The following MAN2B2 variants were observed in gnomAD, a reference collection of about 807,000 sequenced individuals.
MAN2B2 encodes mannosidase alpha class 2B member 2.
MAN2B2 carries 106 observed loss-of-function variants against 117.1 expected under a neutral mutation model. That is an observed-to-expected ratio of 0.90 (90% CI 0.77 to 1.06). The LOEUF (loss-of-function observed/expected upper bound fraction) is 1.06. Ranked by LOEUF, MAN2B2 falls within the 50% of genes least tolerant of loss-of-function variation. The pLI is 0.00. For synonymous variants in MAN2B2, 544 were observed against 595.1 expected, an observed-to-expected ratio of 0.91 and a Z score of 1.25; for missense variants, 1,326 against 1,381.4, an observed-to-expected ratio of 0.96 and a Z score of 0.64.
intron 13 of MAN2B2, 41 bp from the exon 14 acceptor site, chr4:6,610,839 C>G (rs570879683): frequency 6.3e-7 from 1 of 1,589,324 alleles, no homozygotes; most frequent in Non-Finnish European, 8.6e-7. Flanking sequence ...CTACCTTGCC[C>G]TTTGCCCCAA....
chr4:6,614,458 G>A, intron 16 of MAN2B2, 103 bp downstream of exon 16: 3 of 1,358,118 alleles, frequency 2.2e-6, no homozygotes, highest in Non-Finnish European at 3.0e-6. Flanking sequence ...AGCTATCATG[G>A]CTCTGCAAGG....
intron 7 of MAN2B2, among the ~76,000 whole-genome samples, chr4:6,596,146 T>G (rs1221717784): frequency 1.4e-5 from 2 of 147,836 alleles, no homozygotes; most frequent in African/African-American, 2.5e-5. Context: ...GGGCGTGGTA[T>G]CCAGGTGGGC....
At position 6,614,348 on chromosome 4, in the gene MAN2B2, C is replaced by G; in HGVS notation, c.2694C>G (p.Leu898=). ...ACCACACGGAGCACTCTCAGAATCTCCGGAAAGGTGAGGCAGGTGCCCTGG... is the reference window on the plus strand; with the variant it reads ...ACCACACGGAGCACTCTCAGAATCTGCGGAAAGGTGAGGCAGGTGCCCTGG... ...SSNHTEHSQN[L]RKGHRGEAQA... Residue 898 remains leucine (L), a synonymous_variant, in exon 16 of 19, where the codon CTC becomes CTG. Transcript: ENST00000285599. The G allele has an allele frequency of 6.2e-7, 1 of 1,613,708 alleles. No homozygotes were observed. The highest frequency in any genetic ancestry group is 1.3e-5 in the African/African-American group (1 of 75,030).
intron 3 of MAN2B2, among the ~76,000 whole-genome samples, chr4:6,578,964 TCACCAC>T (rs374472281): frequency 6.9e-6 from 1 of 144,486 alleles, no homozygotes; most frequent in Non-Finnish European, 1.5e-5. Flanking sequence ...ACTACTACCA[TCACCAC>T]CACCACCACG....
intron 12 of MAN2B2, 93 bp from the exon 13 acceptor site, chr4:6,609,701 GCCCT>G: frequency 1.9e-5 from 17 of 902,794 alleles, no homozygotes; most frequent in Non-Finnish European, 2.4e-5. Context: ...GGCGTACCCT[GCCCT>G]GCCCACCCTG....
At chr4:6,617,578 C>G (rs2108760589) in intron 17 of MAN2B2, 86 bp downstream of exon 17, 1 of 1,565,220 alleles carries the variant, frequency 6.4e-7, no homozygotes. Context: ...GCAAAGAGAT[C>G]CACGAGGGCT....
At chr4:6,598,094 C>T in intron 8 of MAN2B2, 104 bp from the exon 9 acceptor site, 2 of 1,330,068 alleles carry the variant, frequency 1.5e-6, no homozygotes, top group Non-Finnish European at 2.1e-6. Context: ...TCCACTGGCA[C>T]CTGGCAAGCC....
At position 6,619,905 on chromosome 4, in the gene MAN2B2, C is replaced by A. The variant is rs769339742; in HGVS notation, c.2815-22C>A. ...TCTGGAACTTGGTGCAGCTCACTCTCCCTCTGCTCCTCTCCCTGCAGGCTG... is the reference window on the plus strand; with the variant it reads ...TCTGGAACTTGGTGCAGCTCACTCTACCTCTGCTCCTCTCCCTGCAGGCTG... On this transcript the variant is annotated intron_variant, in intron 17 of 18. Coordinates refer to ENST00000285599, the MANE Select transcript of MAN2B2 (RefSeq NM_015274.3). 1.6e-5 allele frequency: 26 copies of A among 1,603,384 alleles called. No individual in the cohort carries two copies. The African/African-American group carries it at 3.3e-4, about 21-fold the overall frequency.
chr4:6,597,506 G>T (rs1426506481), intron 8 of MAN2B2, among the ~76,000 whole-genome samples: 1 of 152,354 alleles, frequency 6.6e-6, no homozygotes, highest in East Asian at 1.9e-4. Context: ...CCATCCAGCT[G>T]GTGGCCTCAT....
chr4:6,583,553 G>A (rs1304687470), intron 3 of MAN2B2, among the ~76,000 whole-genome samples: 1 of 152,210 alleles, frequency 6.6e-6, no homozygotes, highest in African/African-American at 2.4e-5. Flanking sequence ...GCTGTTAGTG[G>A]TGGAAGGTAT....
chr4:6,578,671 T>G (rs1157761063), intron 3 of MAN2B2, among the ~76,000 whole-genome samples, 173 bp downstream of exon 3: 2 of 152,038 alleles, frequency 1.3e-5, no homozygotes, highest in Non-Finnish European at 2.9e-5. Flanking sequence ...ACCAAGGAAG[T>G]TGAATGTAGG....
At chr4:6,594,426 C>A in intron 6 of MAN2B2, 108 bp from the exon 7 acceptor site, 1 of 1,149,690 alleles carries the variant, frequency 8.7e-7, no homozygotes, top group Non-Finnish European at 1.3e-6. Context: ...CCCTGTTGGC[C>A]GCCTTGGAGA....
Position 6,610,914 on chromosome 4 carries a change from AG to A in MAN2B2, c.2296del (p.Asp766MetfsTer46). The A allele has an allele frequency of 6.2e-7, 1 of 1,614,166 alleles. No homozygotes were observed. ...CCCATGGTTCAGTCGGCCTTCATGGAGGATGGCAAAAGCAGGCTTGTGTTGC... is the reference window on the plus strand; with the variant it reads ...CCCATGGTTCAGTCGGCCTTCATGGAGATGGCAAAAGCAGGCTTGTGTTGC... ...YYPMVQSAFM[E>X]DGKSRLVLLS... is the part of the protein sequence containing the mutation. On this transcript the variant is annotated frameshift_variant, in exon 14 of 19. Transcript: ENST00000285599. LOFTEE classifies it high-confidence loss of function.
At position 6,598,441 on chromosome 4, in the gene MAN2B2, T is replaced by G. The variant is rs1468170971; in HGVS notation, c.1405+87T>G. The G allele has an allele frequency of 5.7e-6, 8 of 1,409,372 alleles. No individual in the cohort carries two copies. In the South Asian group the frequency reaches 8.0e-5, roughly 14 times the overall value. 87.3% of individuals were successfully genotyped at this position (1,409,372 alleles called of 1,614,324 possible). On this transcript the variant is annotated intron_variant, in intron 9 of 18. Coordinates refer to ENST00000285599, the MANE Select transcript of MAN2B2 (RefSeq NM_015274.3). ...GGGGAGGGGCTCAACGACCCCAGCT[T>G]CAGACTCTGAGTCCACATCACCCAT...
At chr4:6,579,010 C>CACCACCACCATCACCATCACCACT in intron 3 of MAN2B2, among the ~76,000 whole-genome samples, 15 of 106,568 alleles carry the variant, frequency 1.4e-4, no homozygotes, top group Admixed American at 1.2e-3. Flanking sequence ...CCATCACCAC[C>CACCACCACCATCACCATCACCACT]ACCACCACCA....
intron 17 of MAN2B2, chr4:6,617,901 G>A (rs1243588471): frequency 4.5e-6 from 1 of 223,180 alleles, no homozygotes; most frequent in Admixed American, 5.8e-5. Context: ...AGGCTGGAGT[G>A]CAATGGTGCG....
At chr4:6,588,666 G>A (rs1489840383) in intron 4 of MAN2B2, among the ~76,000 whole-genome samples, 1 of 152,156 alleles carries the variant, frequency 6.6e-6, no homozygotes, top group Non-Finnish European at 1.5e-5. Flanking sequence ...AGTGAGCTGA[G>A]ATCGTGACAC....
intron 7 of MAN2B2, 85 bp downstream of exon 7, chr4:6,594,817 C>A: frequency 1.4e-6 from 2 of 1,393,572 alleles, no homozygotes; most frequent in South Asian, 2.5e-5. Flanking sequence ...AGTGGCTGCT[C>A]GGCACTGCTC....
intron 18 of MAN2B2, chr4:6,620,374 C>T (rs922202568): frequency 6.6e-5 from 18 of 273,256 alleles, no homozygotes; most frequent in African/African-American, 3.5e-4. Flanking sequence ...CTCAGCCCAT[C>T]AGCCGGTCCC....
Sources: gnomAD v4.1 joint callset for allele counts (sites outside exome capture counted in the v4.1 genomes callset) on GRCh38, gnomAD v4.1.1 for gene constraint, MANE v1.5 for transcripts, NCBI Gene and HGNC (gene_info 2026-07-23, HGNC 2026-07-21) for gene names.